DDI2: variants seen among roughly 807,000 people sequenced by gnomAD.
DDI2 encodes protein DDI1 homolog 2.
Under a neutral mutation model 48.1 loss-of-function variants are expected in DDI2, and 5 were observed. That is an observed-to-expected ratio of 0.10 (90% CI 0.05 to 0.22). DDI2 has a LOEUF of 0.22. DDI2 is among the 10% of genes least tolerant of loss of function. DDI2 has a pLI of 1.00. For missense variants in DDI2, 285 were observed against 506.2 expected (o/e 0.56, Z 4.19); for synonymous variants, 205 against 183.6 (o/e 1.12, Z -0.94).
Position 15,663,167 on chromosome 1 carries a change from A to G in DDI2, c.*3377A>G, listed in dbSNP as rs1640406071. Reference sequence around the variant, plus strand: ...CTGATTCTAGATTATAGTTTGTAACATGTTTGAAACAGAAGCTTCGAAAGA... The same window carrying G: ...CTGATTCTAGATTATAGTTTGTAACGTGTTTGAAACAGAAGCTTCGAAAGA... On this transcript the variant is annotated 3_prime_UTR_variant, in exon 10 of 10. Transcript: ENST00000480945. 6.6e-6 allele frequency: 1 copy of G among 152,224 alleles called. No individual in the cohort carries two copies. The highest frequency in any genetic ancestry group is 1.5e-5 in the Non-Finnish European group (1 of 68,042). 9.4% of individuals were successfully genotyped at this position (152,224 alleles called of 1,614,324 possible). A position where few individuals can be genotyped will look rare whatever the true frequency, so the allele number is the denominator to read the frequency against.
rs1570987677 is a variant in DDI2, at chr1:15,651,814, G to A, written c.1102G>A (p.Ala368Thr). 6.2e-7 allele frequency: 1 copy of A among 1,614,078 alleles called. No homozygotes were observed. The highest frequency in any genetic ancestry group is 8.5e-7 in the Non-Finnish European group (1 of 1,179,982). The change falls in exon 8 of 10, where the codon GCT becomes ACT. Residue 368 changes from alanine (A) to threonine (T), a missense_variant. Physicochemically the swap from Ala to Thr is moderately conservative, Grantham distance 58 (BLOSUM62 0). Coordinates refer to ENST00000480945, the MANE Select transcript of DDI2 (RefSeq NM_032341.5). ...AGAGTGTGCCCGGTTGGCATATGGG[G>A]CTGGAAGAGAGGATGTACGGCCAGA... ...LPECARLAYG[A>T]GREDVRPEEI...
At chr1:15,641,985 A>G (rs1445736901) in intron 5 of DDI2, among the ~76,000 whole-genome samples, 1 of 150,936 alleles carries the variant, frequency 6.6e-6, no homozygotes, top group African/African-American at 2.4e-5. Context: ...AAGGAGAAGA[A>G]AGGGCATCAG....
chr1:15,650,767 T>C (rs902401347), intron 7 of DDI2, among the ~76,000 whole-genome samples: 2 of 152,218 alleles, frequency 1.3e-5, no homozygotes, highest in Non-Finnish European at 2.9e-5. Context: ...AAAATATAGC[T>C]AATCAATATT....
chr1:15,636,838 A>T (rs1464057832), intron 4 of DDI2, among the ~76,000 whole-genome samples: 1 of 152,234 alleles, frequency 6.6e-6, no homozygotes, highest in Non-Finnish European at 1.5e-5. Flanking sequence ...GCTCATGTTC[A>T]GCTCCGCCAC....
At chr1:15,656,794 A>G in intron 9 of DDI2, 115 bp downstream of exon 9, 1 of 1,477,152 alleles carries the variant, frequency 6.8e-7, no homozygotes, top group Non-Finnish European at 9.3e-7. Flanking sequence ...CACCTTGTTC[A>G]ATCTGGTTAC....
In DDI2 at chr1:15,659,834, T is replaced by C. The variant is rs962728569; in HGVS notation, c.*47-3T>C. Reference sequence around the variant, plus strand: ...TTTTTCCTTTCCCCTGTGTTCCATATAGAGAAAAGTGGTAAAGAATCTACC... The same window carrying C: ...TTTTTCCTTTCCCCTGTGTTCCATACAGAGAAAAGTGGTAAAGAATCTACC... On this transcript the variant is annotated splice_polypyrimidine_tract_variant and splice_region_variant and intron_variant, in intron 9 of 9. Transcript: ENST00000480945. The C allele has an allele frequency of 2.0e-6, 3 of 1,524,818 alleles. No individual in the cohort carries two copies. Among genetic ancestry groups the C allele is most frequent in the African/African-American group, 2.8e-5 (2 of 71,996 alleles). The allele number at this position is 1,524,818 out of a possible 1,614,324, so 94.5% of individuals were successfully genotyped here.
intron 2 of DDI2, among the ~76,000 whole-genome samples, chr1:15,627,486 G>A (rs1639777138): frequency 6.6e-6 from 1 of 152,164 alleles, no homozygotes; most frequent in African/African-American, 2.4e-5. Context: ...TATCTTTGAT[G>A]CTGCTTTTAT....
chr1:15,668,771 G>T lies in DDI2; in HGVS notation c.*8981G>T, dbSNP rs552045874. The T allele has an allele frequency of 2.6e-5, 4 of 152,230 alleles. No homozygotes were observed. The highest frequency in any genetic ancestry group is 4.4e-5 in the Non-Finnish European group (3 of 68,024). The allele number at this position is 152,230 out of a possible 1,614,324, so 9.4% of individuals were successfully genotyped here. On this transcript the variant is annotated 3_prime_UTR_variant, in exon 10 of 10. Transcript: ENST00000480945. ...CCATGATGCTTTGGTTTTGAGAGTT[G>T]GGAAAACTCTGAGAACTTAAGGGAA...
rs1235762935 is a variant in DDI2, at chr1:15,638,386, A to G, written c.712A>G (p.Ile238Val). ...ESFGQVVMLYINCKVNGHPVK... is the reference protein window; with the variant it reads ...ESFGQVVMLYVNCKVNGHPVK... ...TTTTGGCCAAGTAGTGATGCTTTATATTAACTGCAAAGTGAATGGACATCC... is the reference window on the plus strand; with the variant it reads ...TTTTGGCCAAGTAGTGATGCTTTATGTTAACTGCAAAGTGAATGGACATCC... Residue 238 changes from isoleucine (I) to valine (V), a missense_variant, in exon 5 of 10, where the codon ATT becomes GTT. Physicochemically the swap from Ile to Val is conservative, Grantham distance 29. This residue lies in a region of DDI2 where 70 missense variants were observed against 182.3 expected (regional missense o/e 0.38). Transcript: ENST00000480945. 2 of 1,614,050 alleles carry G rather than the reference A, an allele frequency of 1.2e-6. No individual in the cohort carries two copies. The highest frequency in any genetic ancestry group is 2.2e-5 in the South Asian group (2 of 91,088).
rs1640343046 is a variant in DDI2, at chr1:15,660,207, T to C, written c.*417T>C. ...CTGTTGCAGGTAATCTGGAGAAATC[T>C]GCTGAAAGAAGCACCCAGGGCCTCA... On this transcript the variant is annotated 3_prime_UTR_variant, in exon 10 of 10. Transcript: ENST00000480945. The C allele has an allele frequency of 6.2e-7, 1 of 1,614,238 alleles. No individual in the cohort carries two copies.
Position 15,630,344 on chromosome 1 carries a change from C to T in DDI2, c.288C>T (p.Phe96=), listed in dbSNP as rs948393633. The change falls in exon 3 of 10, where the codon TTC becomes TTT. Residue 96 remains phenylalanine, a synonymous_variant. Transcript: ENST00000480945. The stretch of plus-strand genomic sequence containing the variant: ...CAACAGACTTACCCCGAATAGATTT[C>T]AGTAGTATAGCTGTGCCTGGCACAT... ...VQFPNLPRID[F]SSIAVPGTSS... 4.3e-6 allele frequency: 7 copies of T among 1,614,084 alleles called. No homozygotes were observed. Among genetic ancestry groups the T allele is most frequent in the Non-Finnish European group, 5.9e-6 (7 of 1,180,040 alleles).
At chr1:15,618,630 A>G (rs1639605113) in intron 1 of DDI2, among the ~76,000 whole-genome samples, 2 of 152,196 alleles carry the variant, frequency 1.3e-5, no homozygotes, top group Admixed American at 1.3e-4. Flanking sequence ...AGCTTGCTGG[A>G]AAGAAGTTCA....
intron 9 of DDI2, among the ~76,000 whole-genome samples, chr1:15,659,278 T>C (rs1322622567): frequency 6.6e-6 from 1 of 152,224 alleles, no homozygotes; most frequent in African/African-American, 2.4e-5. Context: ...GTAACCTCAG[T>C]GTTCACATTT....
chr1:15,636,831 C>G (rs1639937861), intron 4 of DDI2, among the ~76,000 whole-genome samples: 3 of 152,224 alleles, frequency 2.0e-5, no homozygotes, highest in Non-Finnish European at 1.5e-5. Flanking sequence ...CTGTGTTGCT[C>G]ATGTTCAGCT....
At position 15,668,742 on chromosome 1, in the gene DDI2, A is replaced by C. The variant is rs1253700774; in HGVS notation, c.*8952A>C. ...AAAAAGTCTTGCCAGTGGCCCTGTC[A>C]CTCCCATGATGCTTTGGTTTTGAGA... On this transcript the variant is annotated 3_prime_UTR_variant, in exon 10 of 10. Transcript: ENST00000480945. 1 of 152,070 alleles carries C rather than the reference A, an allele frequency of 6.6e-6. No individual in the cohort carries two copies. The highest frequency in any genetic ancestry group is 1.5e-5 in the Non-Finnish European group (1 of 68,032). The allele number at this position is 152,070 out of a possible 1,614,324, so 9.4% of individuals were successfully genotyped here. A position where few individuals can be genotyped will look rare whatever the true frequency, so the allele number is the denominator to read the frequency against.
chr1:15,659,931 T>G lies in DDI2; in HGVS notation c.*141T>G, dbSNP rs766103435. On this transcript the variant is annotated 3_prime_UTR_variant, in exon 10 of 10. Coordinates refer to ENST00000480945, the MANE Select transcript of DDI2 (RefSeq NM_032341.5). ...CCGCCCGTTCTTCAGGACAGAGTCCTGATGTTGGTAATCCTATGAGTCTTG... is the reference window on the plus strand; with the variant it reads ...CCGCCCGTTCTTCAGGACAGAGTCCGGATGTTGGTAATCCTATGAGTCTTG... 11 of 1,613,472 alleles carry G rather than the reference T, an allele frequency of 6.8e-6. No homozygotes were observed. Among genetic ancestry groups the G allele is most frequent in the Non-Finnish European group, 8.5e-7 (1 of 1,179,794 alleles).
rs34830712 is a variant in DDI2 at position 15,660,045 on chromosome 1, A to G, written c.*255A>G. The G allele has an allele frequency of 1.2e-6, 2 of 1,613,990 alleles. No homozygotes were observed. Among genetic ancestry groups the G allele is most frequent in the South Asian group, 1.1e-5 (1 of 91,060 alleles). Reference sequence around the variant, plus strand: ...AAGCTGTGAAGGCTTTGAAGGCTTCAGCTGAATTCCAGCTAAACTCTGAAA... The same window carrying G: ...AAGCTGTGAAGGCTTTGAAGGCTTCGGCTGAATTCCAGCTAAACTCTGAAA... On this transcript the variant is annotated 3_prime_UTR_variant, in exon 10 of 10. Transcript: ENST00000480945.
At chr1:15,633,240 C>A (rs1349716230) in intron 3 of DDI2, among the ~76,000 whole-genome samples, 199 bp from the exon 4 acceptor site, 1 of 152,104 alleles carries the variant, frequency 6.6e-6, no homozygotes, top group Non-Finnish European at 1.5e-5. Context: ...CAAATACTTT[C>A]TTTACACTGA....
intron 2 of DDI2, among the ~76,000 whole-genome samples, chr1:15,629,960 G>A (rs1365616609): frequency 6.6e-6 from 1 of 152,072 alleles, no homozygotes; most frequent in Non-Finnish European, 1.5e-5. Context: ...TTGAACTTCT[G>A]ACCTCAGGTG....
Sources: allele counts gnomAD v4.1 joint callset (sites outside exome capture counted in the v4.1 genomes callset), GRCh38; gene constraint gnomAD v4.1.1; regional missense constraint gnomAD v4.1.1; transcripts MANE v1.5; gene names NCBI Gene and HGNC (gene_info 2026-07-23, HGNC 2026-07-21).